The following AGAP1 variants were observed in gnomAD, a reference collection of about 807,000 sequenced individuals.
AGAP1 encodes arf-GAP with GTPase, ANK repeat and PH domain-containing protein 1.
Under a neutral mutation model 105.3 loss-of-function variants are expected in AGAP1, and 29 were observed. The observed-to-expected ratio is 0.28, with a 90% CI of 0.21 to 0.38. AGAP1 has a LOEUF of 0.38. Among genes scored for constraint, AGAP1 ranks in the 10% least tolerant of loss-of-function variants. AGAP1 has a pLI of 1.00. For missense variants in AGAP1, 998 were observed against 1,165.1 expected, an observed-to-expected ratio of 0.86 and a Z score of 2.09; for synonymous variants, 509 against 485.9, an observed-to-expected ratio of 1.05 and a Z score of -0.63.
At position 235,536,468 on chromosome 2, in the gene AGAP1, T is replaced by TACACACACACAC. The variant is rs68065934; in HGVS notation, c.163+41635_163+41646dup. 2.1e-3 allele frequency among the ~76,000 whole-genome samples: 105 copies of TACACACACACAC among 48,986 alleles called. 1 individual carries two copies. The highest frequency in any genetic ancestry group is 0.011 in the African/African-American group (94 of 8,412). 32.1% of individuals were successfully genotyped at this position (48,986 alleles called of 152,430 possible). A position where few individuals can be genotyped will look rare whatever the true frequency, so the allele number is the denominator to read the frequency against. ...ACCCTGGGGTTTGTTTGTGGCATCC[T>TACACACACACAC]ACACACACACACACACACACACACA... is the stretch of plus-strand genomic sequence containing the variant. On this transcript the variant is annotated intron_variant, in intron 1 of 17. Coordinates refer to ENST00000304032, the MANE Select transcript of AGAP1 (RefSeq NM_001037131.3).
Position 235,690,630 on chromosome 2 carries a change from G to A in AGAP1, c.164-18549G>A, listed in dbSNP as rs1949692002. Among the ~76,000 whole-genome samples, 1 of 152,166 alleles carries A rather than the reference G, an allele frequency of 6.6e-6. No individual in the cohort carries two copies. The highest frequency in any genetic ancestry group is 1.5e-5 in the Non-Finnish European group (1 of 68,030). On this transcript the variant is annotated intron_variant, in intron 1 of 17. Coordinates refer to ENST00000304032, the MANE Select transcript of AGAP1 (RefSeq NM_001037131.3). This position sits in a 1 kb window ranked among gnomAD's most constrained non-coding sequence, Gnocchi z 4.1. ...CTACAGCAGAGCGTCTGCTTGAGGA[G>A]CTCTGACGGGCTGGGCAGCCAGTGC...
chr2:235,815,750 TG>T (rs1575539478), intron 9 of AGAP1, among the ~76,000 whole-genome samples: 1 of 152,194 alleles, frequency 6.6e-6, no homozygotes, highest in African/African-American at 2.4e-5. Flanking sequence ...TACTCCGACT[TG>T]GGGGTTTCCA....
At chr2:235,588,513 C>T (rs1945209437) in intron 1 of AGAP1, among the ~76,000 whole-genome samples, 7 of 152,138 alleles carry the variant, frequency 4.6e-5, no homozygotes, top group Admixed American at 4.6e-4. Context: ...TCTGGCCTCT[C>T]ACACTTAACC....
At position 235,900,268 on chromosome 2, in the gene AGAP1, G is replaced by A. The variant is rs1344548568; in HGVS notation, c.1156-8470G>A. ...TGGAGTAGTAGACTGATTTCATCTT[G>A]ATAGTCTGGGTCAGTCACTCCAGCC... On this transcript the variant is annotated intron_variant, in intron 10 of 17. Coordinates refer to ENST00000304032, the MANE Select transcript of AGAP1 (RefSeq NM_001037131.3). The surrounding 1 kb of genome is among the most constrained non-coding windows in gnomAD (Gnocchi z 5.5). Among the ~76,000 whole-genome samples, 2 of 152,180 alleles carry A rather than the reference G, an allele frequency of 1.3e-5. No individual in the cohort carries two copies. Among genetic ancestry groups the A allele is most frequent in the Non-Finnish European group, 2.9e-5 (2 of 68,044 alleles).
At chr2:235,911,361 G>A (rs774856965) in intron 11 of AGAP1, among the ~76,000 whole-genome samples, 3 of 152,038 alleles carry the variant, frequency 2.0e-5, no homozygotes, top group East Asian at 3.9e-4. Context: ...TGCTGCGGTC[G>A]GCTCCCCAGG....
rs567030698 is a variant in AGAP1, at chr2:235,733,381, C to T, written c.311-7582C>T. ...GGGTGAAGTGATGGGGTGTTGTTGG[C>T]TCAGGTTGTAGGAGAGATGAGGAGC... On this transcript the variant is annotated intron_variant, in intron 3 of 17. Transcript: ENST00000304032. The surrounding 1 kb of genome is among the most constrained non-coding windows in gnomAD (Gnocchi z 5.0). Among the ~76,000 whole-genome samples the T allele has an allele frequency of 6.6e-6, 1 of 152,272 alleles. No homozygotes were observed. The highest frequency in any genetic ancestry group is 2.1e-4 in the South Asian group (1 of 4,820).
In AGAP1 at chr2:235,872,770, C is replaced by A. The variant is rs1214765293; in HGVS notation, c.1051-10575C>A. Among the ~76,000 whole-genome samples the A allele has an allele frequency of 6.6e-6, 1 of 152,232 alleles. No homozygotes were observed. Among genetic ancestry groups the A allele is most frequent in the Non-Finnish European group, 1.5e-5 (1 of 68,048 alleles). The stretch of plus-strand genomic sequence containing the variant: ...CTAAGGAAAGCGACGGGCCCCCTGT[C>A]TTCCCCGATTGGTTTCCATTTAGCT... On this transcript the variant is annotated intron_variant, in intron 9 of 17. Transcript: ENST00000304032. The surrounding 1 kb of genome is among the most constrained non-coding windows in gnomAD (Gnocchi z 4.5).
chr2:236,008,833 C>A (rs1425772210), intron 13 of AGAP1, among the ~76,000 whole-genome samples: 1 of 152,178 alleles, frequency 6.6e-6, no homozygotes, highest in Admixed American at 6.5e-5. Context: ...TGTTGGAAAC[C>A]AGATTAAAAT....
chr2:235,650,856 A>G (rs1172696221), intron 1 of AGAP1, among the ~76,000 whole-genome samples: 1 of 152,108 alleles, frequency 6.6e-6, no homozygotes, highest in Non-Finnish European at 1.5e-5. Context: ...GCAGCCTCTG[A>G]CATGTGTGGC....
Position 235,568,898 on chromosome 2 carries a change from T to TC in AGAP1, c.163+74053dup, listed in dbSNP as rs537516903. ...TCACCTCTGCTCTATCATCATGTTG[T>TC]CCCCTAGCTTTACTGCTTTTTCTTA... On this transcript the variant is annotated intron_variant, in intron 1 of 17. Coordinates refer to ENST00000304032, the MANE Select transcript of AGAP1 (RefSeq NM_001037131.3). 4.2e-3 allele frequency among the ~76,000 whole-genome samples: 632 copies of TC among 149,812 alleles called. 3 individuals are homozygous for TC. The highest frequency in any genetic ancestry group is 0.015 in the African/African-American group (604 of 40,378).
intron 13 of AGAP1, among the ~76,000 whole-genome samples, chr2:235,972,836 A>C (rs2054708767): frequency 1.3e-5 from 2 of 152,090 alleles, no homozygotes; most frequent in Admixed American, 1.3e-4. Flanking sequence ...AACACAGGAA[A>C]CGAAGCTCTA....
At chr2:235,811,667 A>G (rs558709559) in intron 9 of AGAP1, among the ~76,000 whole-genome samples, 9 of 152,330 alleles carry the variant, frequency 5.9e-5, no homozygotes, top group African/African-American at 2.2e-4. Flanking sequence ...TGTGCGGGGC[A>G]TGCTCTGTAC....
rs2060002922 is a variant in AGAP1, at chr2:236,126,281, A to C, written c.*2159A>C. The C allele has an allele frequency of 6.6e-6, 1 of 152,198 alleles. No individual in the cohort carries two copies. Among genetic ancestry groups the C allele is most frequent in the African/African-American group, 2.4e-5 (1 of 41,450 alleles). 9.4% of individuals were successfully genotyped at this position (152,198 alleles called of 1,614,324 possible). Reference sequence around the variant, plus strand: ...ATTGTAAATGTGAATAGAAAAAAACAGGTCATTGCCTATTTTTGAAGAACG... The same window carrying C: ...ATTGTAAATGTGAATAGAAAAAAACCGGTCATTGCCTATTTTTGAAGAACG... On this transcript the variant is annotated 3_prime_UTR_variant, in exon 18 of 18. Transcript: ENST00000304032.
In AGAP1 at chr2:235,893,269, G is replaced by A. The variant is rs1284743677; in HGVS notation, c.1155+9820G>A. 6.6e-6 allele frequency among the ~76,000 whole-genome samples: 1 copy of A among 151,448 alleles called. No homozygotes were observed. Among genetic ancestry groups the A allele is most frequent in the Non-Finnish European group, 1.5e-5 (1 of 67,860 alleles). ...TGTGCCATGTCCATCATAAGGAAGC[G>A]CCGTGTCTGTAGCGTGGGTGTAGCG... On this transcript the variant is annotated intron_variant, in intron 10 of 17. Coordinates refer to ENST00000304032, the MANE Select transcript of AGAP1 (RefSeq NM_001037131.3). This position sits in a 1 kb window ranked among gnomAD's most constrained non-coding sequence, Gnocchi z 4.7.
intron 16 of AGAP1, chr2:236,049,722 A>G (rs555682875): frequency 1.3e-5 from 2 of 152,912 alleles, no homozygotes; most frequent in Admixed American, 6.4e-5. Context: ...AACAAAATCT[A>G]TTTTATTTTC....
rs779907767 is a variant in AGAP1 at position 236,036,677 on chromosome 2, C to T, written c.1762C>T (p.Leu588=). ...GGTCCAAGCCATCGAGAGCCAGATC[C>T]TGGCCAGCCTGCAGTCGTGCGAGAG... ...AWVQAIESQI[L]ASLQSCESSK... Residue 588 remains leucine (L), a synonymous_variant, in exon 14 of 18, where the codon CTG becomes TTG. Transcript: ENST00000304032. The surrounding 1 kb of genome is among the most constrained non-coding windows in gnomAD (Gnocchi z 5.7). 4.3e-6 allele frequency: 7 copies of T among 1,614,224 alleles called. No individual in the cohort carries two copies. In the East Asian group the frequency reaches 6.7e-5, roughly 15 times the overall value.
Position 235,494,532 on chromosome 2 carries a change from T to C in AGAP1, c.-155T>C, listed in dbSNP as rs1397904488. 2 of 141,742 alleles carry C rather than the reference T, an allele frequency of 1.4e-5. No homozygotes were observed. Among genetic ancestry groups the C allele is most frequent in the East Asian group, 5.0e-4 (2 of 3,974 alleles). 8.8% of individuals were successfully genotyped at this position (141,742 alleles called of 1,614,324 possible). ...GCCCGCGGGCCAGCCCCGCGCCTGCTCCGCCCGCGCCTTTCTTCTCGCGCC... is the reference window on the plus strand; with the variant it reads ...GCCCGCGGGCCAGCCCCGCGCCTGCCCCGCCCGCGCCTTTCTTCTCGCGCC... On this transcript the variant is annotated 5_prime_UTR_variant, in exon 1 of 18. Coordinates refer to ENST00000304032, the MANE Select transcript of AGAP1 (RefSeq NM_001037131.3).
intron 1 of AGAP1, among the ~76,000 whole-genome samples, chr2:235,500,447 C>G (rs1042128987): frequency 6.6e-6 from 1 of 152,192 alleles, no homozygotes; most frequent in South Asian, 2.1e-4. Flanking sequence ...GTCCAGGGAC[C>G]GCACTTCTGG....
chr2:235,666,163 C>T (rs566370778), intron 1 of AGAP1, among the ~76,000 whole-genome samples: 3 of 152,078 alleles, frequency 2.0e-5, no homozygotes, highest in African/African-American at 7.2e-5. Flanking sequence ...GGAGGCATTA[C>T]CCGGCTGCTG....
Sources: gnomAD v4.1 joint callset for allele counts (sites outside exome capture counted in the v4.1 genomes callset) on GRCh38, gnomAD v4.1.1 for gene constraint, Gnocchi (gnomAD v3.1) non-coding constraint, MANE v1.5 for transcripts, NCBI Gene and HGNC (gene_info 2026-07-23, HGNC 2026-07-21) for gene names.